AIPL1: variants seen among roughly 807,000 people sequenced by gnomAD.
The protein encoded by AIPL1 is aryl-hydrocarbon-interacting protein-like 1.
In AIPL1, 23 loss-of-function variants were observed where a neutral mutation model predicts 32.9. That is an observed-to-expected ratio of 0.70 (90% CI 0.50 to 0.99). The LOEUF (loss-of-function observed/expected upper bound fraction) is 0.99. AIPL1 is among the 50% of genes least tolerant of loss of function. AIPL1 has a pLI of 0.00. For synonymous variants in AIPL1, 210 were observed against 209.4 expected (o/e 1.00, Z -0.02); for missense variants, 485 against 506.0 (o/e 0.96, Z 0.40).
At position 6,429,824 on chromosome 17, in the gene AIPL1, G is replaced by GA. The variant is rs1912376648; in HGVS notation, c.277-1319_277-1318insT. Among the ~76,000 whole-genome samples the GA allele has an allele frequency of 2.3e-3, 157 of 67,612 alleles. 1 individual carries two copies. Among genetic ancestry groups the GA allele is most frequent in the African/African-American group, 5.1e-3 (138 of 27,092 alleles). 44.4% of individuals were successfully genotyped at this position (67,612 alleles called of 152,430 possible). A position where few individuals can be genotyped will look rare whatever the true frequency, so the allele number is the denominator to read the frequency against. On this transcript the variant is annotated intron_variant, in intron 2 of 5. Transcript: ENST00000381129. ...GATAGGTAGGTAGGTAGGTAGGTAG[G>GA]TAGATAGATAGATAGATAGATAGAT...
At chr17:6,431,895 AAG>A (rs1912638330) in intron 2 of AIPL1, among the ~76,000 whole-genome samples, 1 of 152,248 alleles carries the variant, frequency 6.6e-6, no homozygotes. Context: ...ACTTTTGAAA[AAG>A]AGAGAAAGAG....
In AIPL1 at chr17:6,434,066, A is replaced by G; in HGVS notation, c.129T>C (p.Asp43=). ...TGTCGTCAATGACTGTCCGCTCCTC[A>G]TCACATTTCATGGTGCGGAAATGAA... ...VIFHFRTMKC[D]EERTVIDDSR... The change falls in exon 2 of 6, where the codon GAT becomes GAC. Residue 43 remains aspartate (D), a synonymous_variant. Coordinates refer to ENST00000381129, the MANE Select transcript of AIPL1 (RefSeq NM_014336.5). The G allele has an allele frequency of 1.2e-6, 2 of 1,613,954 alleles. No homozygotes were observed. Among genetic ancestry groups the G allele is most frequent in the African/African-American group, 1.3e-5 (1 of 74,980 alleles).
rs2292541 is a variant in AIPL1 at position 6,434,823 on chromosome 17, A to G, written c.96+186T>C. 0.021 allele frequency: 21,779 copies of G among 1,061,040 alleles called. 632 individuals are homozygous for G. Among genetic ancestry groups the G allele is most frequent in the South Asian group, 0.096 (5,728 of 59,456 alleles). The allele number at this position is 1,061,040 out of a possible 1,614,324, so 65.7% of individuals were successfully genotyped here. ...TCCCCTCAGCCCATGCTAAAGTTGA[A>G]TCTGCAAAGTACCAAAAATGCCCCC... On this transcript the variant is annotated intron_variant, in intron 1 of 5. Transcript: ENST00000381129.
chr17:6,430,273 T>G (rs1912460253), intron 2 of AIPL1, among the ~76,000 whole-genome samples: 1 of 151,784 alleles, frequency 6.6e-6, no homozygotes, highest in South Asian at 2.1e-4. Flanking sequence ...CTGGCCAACA[T>G]GTTGAAATCC....
intron 2 of AIPL1, among the ~76,000 whole-genome samples, chr17:6,431,212 G>A (rs574777410): frequency 9.2e-5 from 14 of 152,132 alleles, no homozygotes; most frequent in Admixed American, 5.9e-4. Context: ...TTGGGAGGCC[G>A]AGGCAGGCAG....
In AIPL1 at chr17:6,425,691, C is replaced by T; in HGVS notation, c.924G>A (p.Leu308=). The part of the protein sequence containing the change: ...QKAVRRELRL[L]ENRMAEKQEE... The stretch of plus-strand genomic sequence containing the variant: ...CCTGCTTCTCCGCCATGCGGTTCTC[C>T]AGCAGCCTCAGCTCCCTGCGCACCG... Residue 308 remains leucine, a synonymous_variant, in exon 6 of 6, where the codon CTG becomes CTA. Coordinates refer to ENST00000381129, the MANE Select transcript of AIPL1 (RefSeq NM_014336.5). 6.2e-7 allele frequency: 1 copy of T among 1,609,032 alleles called. No individual in the cohort carries two copies.
intron 2 of AIPL1, among the ~76,000 whole-genome samples, chr17:6,430,116 C>CCATG (rs1299318560): frequency 6.7e-6 from 1 of 149,828 alleles, no homozygotes. Context: ...ATCACGGCAG[C>CCATG]CATGGGCTGG....
intron 5 of AIPL1, 198 bp downstream of exon 5, chr17:6,426,417 A>C (rs1911957250): frequency 7.0e-7 from 1 of 1,437,954 alleles, no homozygotes; most frequent in Non-Finnish European, 9.1e-7. Flanking sequence ...ACACATTAAA[A>C]TAAAGGGCCG....
chr17:6,433,850 C>A, intron 2 of AIPL1, 69 bp downstream of exon 2: 1 of 1,552,342 alleles, frequency 6.4e-7, no homozygotes, highest in African/African-American at 1.5e-5. Context: ...AACACAGCAG[C>A]CCCGCAAAGC....
At chr17:6,432,112 T>C (rs111528469) in intron 2 of AIPL1, among the ~76,000 whole-genome samples, 6,185 of 152,176 alleles carry the variant, frequency 0.041, 264 homozygotes, top group South Asian at 0.12. Flanking sequence ...AGGCCGAGCG[T>C]GGTGGCTCAG....
intron 5 of AIPL1, 133 bp downstream of exon 5, chr17:6,426,481 GA>G (rs1911966810): frequency 6.6e-7 from 1 of 1,512,882 alleles, no homozygotes; most frequent in East Asian, 2.5e-5. Flanking sequence ...CACACTCGGG[GA>G]AACCCGGCTG....
chr17:6,428,442 G>A lies in AIPL1; in HGVS notation c.341C>T (p.Thr114Ile), dbSNP rs8069375. The change falls in exon 3 of 6, where the codon ACA (threonine) becomes ATA (isoleucine). Residue 114 changes from threonine (T) to isoleucine (I), a missense_variant. Transcript: ENST00000381129. ...LRQMAQGKDP[T>I]EWHVHTCGLA... Reference sequence around the variant, plus strand: ...CCCGCACGTGTGCACGTGCCACTCTGTGGGGTCCTTGCCCTGGGCCATCTG... The same window carrying A: ...CCCGCACGTGTGCACGTGCCACTCTATGGGGTCCTTGCCCTGGGCCATCTG... 3.1e-3 allele frequency: 4,941 copies of A among 1,613,962 alleles called. 127 individuals carry two copies. The African/African-American group carries it at 0.058, about 19-fold the overall frequency.
chr17:6,425,383 C>T lies in AIPL1; in HGVS notation c.*77G>A. 2 of 1,473,194 alleles carry T rather than the reference C, an allele frequency of 1.4e-6. No individual in the cohort carries two copies. The highest frequency in any genetic ancestry group is 1.8e-6 in the Non-Finnish European group (2 of 1,113,690). The allele number at this position is 1,473,194 out of a possible 1,614,324, so 91.3% of individuals were successfully genotyped here. On this transcript the variant is annotated 3_prime_UTR_variant, in exon 6 of 6. Transcript: ENST00000381129. ...TAATTTTAAATTTTAAAAAGTGACA[C>T]CACGATCCTGGTCAATCGAACCAGA...
In AIPL1 at chr17:6,425,386, C is replaced by T. The variant is rs1203431934; in HGVS notation, c.*74G>A. ...TTTTAAATTTTAAAAAGTGACACCA[C>T]GATCCTGGTCAATCGAACCAGAAGT... On this transcript the variant is annotated 3_prime_UTR_variant, in exon 6 of 6. Coordinates refer to ENST00000381129, the MANE Select transcript of AIPL1 (RefSeq NM_014336.5). 6.1e-6 allele frequency: 9 copies of T among 1,477,410 alleles called. No homozygotes were observed. In the Admixed American group the frequency reaches 6.8e-5, roughly 11 times the overall value. 91.5% of individuals were successfully genotyped at this position (1,477,410 alleles called of 1,614,324 possible).
At position 6,435,096 on chromosome 17, in the gene AIPL1, G is replaced by C; in HGVS notation, c.9C>G (p.Ala3=). The C allele has an allele frequency of 6.2e-7, 1 of 1,614,174 alleles. No homozygotes were observed. The highest frequency in any genetic ancestry group is 8.5e-7 in the Non-Finnish European group (1 of 1,180,030). Residue 3 remains alanine (A), a synonymous_variant, in exon 1 of 6, where the codon GCC becomes GCG. Transcript: ENST00000381129. ...CCCCTTCCACGTTCAGGAGCAGAGC[G>C]GCATCCATGGCTGCAGGAGAAAGGG... is the stretch of plus-strand genomic sequence containing the variant. MD[A]ALLLNVEGVK... is the part of the protein sequence containing the mutation.
At chr17:6,425,869 C>T (rs998881178) in intron 5 of AIPL1, 39 bp from the exon 6 acceptor site, 13 of 1,593,644 alleles carry the variant, frequency 8.2e-6, no homozygotes, top group Non-Finnish European at 1.1e-5. Context: ...AGCTCCCTTC[C>T]CAGCCTCAGA....
At chr17:6,434,880 G>GC in intron 1 of AIPL1, 129 bp downstream of exon 1, 1 of 1,496,808 alleles carries the variant, frequency 6.7e-7, no homozygotes. Flanking sequence ...CTCCCCGGAG[G>GC]CCCAGCGCTG....
chr17:6,426,771 G>A lies in AIPL1; in HGVS notation c.643-15C>T. The A allele has an allele frequency of 6.2e-7, 1 of 1,613,182 alleles. No individual in the cohort carries two copies. The highest frequency in any genetic ancestry group is 1.3e-5 in the African/African-American group (1 of 75,042). On this transcript the variant is annotated splice_polypyrimidine_tract_variant and intron_variant, in intron 4 of 5. Coordinates refer to ENST00000381129, the MANE Select transcript of AIPL1 (RefSeq NM_014336.5). ...CATGGCTTCTCCTGCCCAGGGAGAAGGTCAGCCATGACCTCAGGCAGCTGC... is the reference window on the plus strand; with the variant it reads ...CATGGCTTCTCCTGCCCAGGGAGAAAGTCAGCCATGACCTCAGGCAGCTGC...
intron 2 of AIPL1, 22 bp downstream of exon 2, chr17:6,433,897 C>G: frequency 6.2e-7 from 1 of 1,611,440 alleles, no homozygotes; most frequent in Middle Eastern, 1.8e-4. Context: ...TCCCAGGAGA[C>G]AGGCGCGCAG....
Sources: gnomAD v4.1 joint callset for allele counts (sites outside exome capture counted in the v4.1 genomes callset) on GRCh38, gnomAD v4.1.1 for gene constraint, MANE v1.5 for transcripts, NCBI Gene and HGNC (gene_info 2026-07-23, HGNC 2026-07-21) for gene names.